Variants in QTMAN observed in about 807,000 individuals in gnomAD.
The protein encoded by QTMAN is queuosine-tRNA mannosyltransferase.
At chr2:144,292,827 G>C in the QTMAN span, among the ~76,000 whole-genome samples, 1 of 151,954 alleles carries the variant, frequency 6.6e-6, no homozygotes, top group Non-Finnish European at 1.5e-5. Flanking sequence ...TTTAATAACA[G>C]GTCCTATCAA....
At chr2:144,039,451 G>C in the QTMAN span, among the ~76,000 whole-genome samples, 1 of 151,900 alleles carries the variant, frequency 6.6e-6, no homozygotes, top group Non-Finnish European at 1.5e-5. Context: ...TTCTAGGCGG[G>C]GGAGTTTTCT....
the QTMAN span, among the ~76,000 whole-genome samples, chr2:144,250,123 G>GTT: frequency 2.0e-4 from 27 of 133,928 alleles, 1 homozygote; most frequent in Non-Finnish European, 2.9e-4. Context: ...TGGTTTTTGT[G>GTT]TTTTTTTTTT....
the QTMAN span, among the ~76,000 whole-genome samples, chr2:144,039,662 T>C: frequency 1.3e-5 from 2 of 152,182 alleles, no homozygotes; most frequent in Non-Finnish European, 2.9e-5. Flanking sequence ...GCCATCGCTT[T>C]GATATCATCT....
At chr2:144,223,661 T>C in the QTMAN span, among the ~76,000 whole-genome samples, 1 of 152,204 alleles carries the variant, frequency 6.6e-6, no homozygotes, top group African/African-American at 2.4e-5. Context: ...AGACTTAAGA[T>C]TTCTAGAAAA....
At chr2:144,141,588 C>T in the QTMAN span, among the ~76,000 whole-genome samples, 1 of 81,710 alleles carries the variant, frequency 1.2e-5, no homozygotes, top group Middle Eastern at 5.7e-3. Context: ...ACTTCTGTAA[C>T]AAAAAAAAAA....
the QTMAN span, among the ~76,000 whole-genome samples, chr2:143,974,316 T>G: frequency 1.3e-5 from 2 of 152,158 alleles, no homozygotes; most frequent in Non-Finnish European, 2.9e-5. Context: ...TATAAATAAC[T>G]TTTACCCAAG....
At chr2:144,270,741 G>A in the QTMAN span, among the ~76,000 whole-genome samples, 1 of 152,058 alleles carries the variant, frequency 6.6e-6, no homozygotes, top group Admixed American at 6.6e-5. Context: ...TTGATATAGG[G>A]CAACAAACCA....
chr2:143,947,224 T>C, the QTMAN span: 3 of 907,524 alleles, frequency 3.3e-6, no homozygotes, highest in African/African-American at 4.9e-5. Flanking sequence ...ATATTGCAAA[T>C]TTGCATCACT....
At chr2:144,288,277 C>A in the QTMAN span, among the ~76,000 whole-genome samples, 1 of 152,128 alleles carries the variant, frequency 6.6e-6, no homozygotes, top group African/African-American at 2.4e-5. Flanking sequence ...GTTATCCCCC[C>A]TTCTTTGAAG....
At chr2:144,016,948 G>A in the QTMAN span, among the ~76,000 whole-genome samples, 4 of 151,868 alleles carry the variant, frequency 2.6e-5, no homozygotes, top group East Asian at 3.9e-4. Context: ...CAAAACTGAC[G>A]AGAAAATTTG....
chr2:143,992,021 G>A, the QTMAN span, among the ~76,000 whole-genome samples: 260 of 152,264 alleles, frequency 1.7e-3, no homozygotes, highest in African/African-American at 5.8e-3. Flanking sequence ...CCACCACCCC[G>A]TCTGGAAGGT....
At chr2:144,245,809 T>G in the QTMAN span, among the ~76,000 whole-genome samples, 1 of 152,164 alleles carries the variant, frequency 6.6e-6, no homozygotes, top group Non-Finnish European at 1.5e-5. Context: ...AACATAGCAT[T>G]TCCAAAATTA....
the QTMAN span, among the ~76,000 whole-genome samples, chr2:144,082,576 G>T: frequency 6.6e-5 from 10 of 151,950 alleles, no homozygotes; most frequent in African/African-American, 2.2e-4. Context: ...AGTACAAAAA[G>T]GTTGAACATA....
At chr2:144,112,760 A>G in the QTMAN span, among the ~76,000 whole-genome samples, 1 of 152,228 alleles carries the variant, frequency 6.6e-6, no homozygotes, top group African/African-American at 2.4e-5. Flanking sequence ...CCAACCAGGC[A>G]GTAATGAGGT....
the QTMAN span, among the ~76,000 whole-genome samples, chr2:144,010,071 A>G: frequency 6.6e-6 from 1 of 150,876 alleles, no homozygotes; most frequent in African/African-American, 2.5e-5. Flanking sequence ...CCAAAAAAAA[A>G]AAAAAAAGAA....
the QTMAN span, among the ~76,000 whole-genome samples, chr2:144,331,473 G>T: frequency 4.0e-5 from 6 of 151,476 alleles, 1 homozygote; most frequent in South Asian, 1.3e-3. Flanking sequence ...CATCTCGTAT[G>T]GAAAATCATC....
the QTMAN span, among the ~76,000 whole-genome samples, chr2:144,060,051 T>C: frequency 6.6e-6 from 1 of 152,206 alleles, no homozygotes; most frequent in African/African-American, 2.4e-5. Flanking sequence ...TGCTTGTCTT[T>C]GTTTTTCCTG....
the QTMAN span, among the ~76,000 whole-genome samples, chr2:144,277,077 GACAATAGGTGC>G: frequency 6.6e-6 from 1 of 152,148 alleles, no homozygotes; most frequent in Non-Finnish European, 1.5e-5. Context: ...AAGTAAGGCA[GACAATAGGTGC>G]CCACTAGCCA....
At chr2:144,332,023 C>G in the QTMAN span, among the ~76,000 whole-genome samples, 2 of 152,230 alleles carry the variant, frequency 1.3e-5, no homozygotes, top group Non-Finnish European at 2.9e-5. Context: ...GGCCTCCCTT[C>G]TCCCGCGCGA....
Sources: gnomAD v4.1 joint callset for allele counts (sites outside exome capture counted in the v4.1 genomes callset) on GRCh38, gnomAD v4.1.1 for gene constraint, MANE v1.5 for transcripts, NCBI Gene and HGNC (gene_info 2026-07-23, HGNC 2026-07-21) for gene names.